Variants in ZPBP observed in about 807,000 individuals in gnomAD.
ZPBP encodes the protein zona pellucida-binding protein 1.
A neutral mutation model predicts 44.8 loss-of-function variants in ZPBP; 26 were observed. The observed-to-expected ratio is 0.58, with a 90% CI of 0.43 to 0.81. The LOEUF (loss-of-function observed/expected upper bound fraction) is 0.81, where lower values mean the gene tolerates loss of function less well. ZPBP is among the 30% of genes least tolerant of loss of function. The pLI, the probability that ZPBP is intolerant of heterozygous loss-of-function variation, is 0.00. For missense variants in ZPBP, 409 were observed against 434.0 expected, an observed-to-expected ratio of 0.94 and a Z score of 0.51; for synonymous variants, 174 against 153.2, an observed-to-expected ratio of 1.14 and a Z score of -1.00.
chr7:49,975,873 A>G (rs1189179045), intron 7 of ZPBP, among the ~76,000 whole-genome samples: 1 of 152,214 alleles, frequency 6.6e-6, no homozygotes, highest in East Asian at 1.9e-4. Flanking sequence ...CGTTTCAGTG[A>G]AATATTTTTT....
At chr7:50,068,438 T>G (rs1156684798) in intron 3 of ZPBP, among the ~76,000 whole-genome samples, 1 of 152,078 alleles carries the variant, frequency 6.6e-6, no homozygotes, top group Non-Finnish European at 1.5e-5. Context: ...GTGTTTTTTT[T>G]TTTTTTCATA....
intron 7 of ZPBP, among the ~76,000 whole-genome samples, chr7:49,940,542 A>C (rs1354284202): frequency 1.4e-4 from 21 of 151,966 alleles, no homozygotes; most frequent in Non-Finnish European, 1.5e-5. Context: ...AGGAAGCTCC[A>C]GGCCCTCATT....
intron 7 of ZPBP, among the ~76,000 whole-genome samples, chr7:49,978,720 A>G (rs1796639194): frequency 6.6e-6 from 1 of 152,034 alleles, no homozygotes; most frequent in Non-Finnish European, 1.5e-5. Flanking sequence ...AAATTCATTT[A>G]CTATGTTAAT....
chr7:49,982,239 AATTAT>A (rs1156301443), intron 7 of ZPBP, among the ~76,000 whole-genome samples: 6 of 106,476 alleles, frequency 5.6e-5, no homozygotes, highest in Admixed American at 1.4e-4. Flanking sequence ...TATATAATAT[AATTAT>A]ATTATATATT....
At chr7:49,957,831 A>G (rs949816148) in intron 7 of ZPBP, among the ~76,000 whole-genome samples, 1 of 152,158 alleles carries the variant, frequency 6.6e-6, no homozygotes, top group African/African-American at 2.4e-5. Context: ...CATGGGAGAT[A>G]AGCAATACCA....
rs768269657 is a variant in ZPBP at position 50,093,082 on chromosome 7, C to G, written c.113G>C (p.Arg38Pro). Residue 38 changes from arginine to proline, a missense_variant, in exon 1 of 8, where the codon CGG becomes CCG. This residue lies in a region of ZPBP where 367 missense variants were observed against 363.1 expected (regional missense o/e 1.01). Coordinates refer to ENST00000046087, the MANE Select transcript of ZPBP (RefSeq NM_007009.3). Reference sequence around the variant, plus strand: ...CGGACCCTCACCTGATGAGGGCACCCGCACCAGGAAGGCGGAGATAAAGAG... The same window carrying G: ...CGGACCCTCACCTGATGAGGGCACCGGCACCAGGAAGGCGGAGATAAAGAG... ...ILLFISAFLV[R>P]VPSSVGHLVR... 6.2e-7 allele frequency: 1 copy of G among 1,600,584 alleles called. No homozygotes were observed. The highest frequency in any genetic ancestry group is 8.5e-7 in the Non-Finnish European group (1 of 1,174,018).
At position 49,876,441 on chromosome 7, in the gene ZPBP, G is replaced by A. The variant is rs183447821; in HGVS notation, n.509+24677C>T. ...GGGAAAACAGCACCTGTCTCCTAGA[G>A]TTTTGAAAATAATTAACTGTATGTA... On this transcript the variant is annotated intron_variant and non_coding_transcript_variant, in intron 2 of 2. Coordinates refer to the ZPBP transcript ENST00000465922. 2.6e-3 allele frequency among the ~76,000 whole-genome samples: 392 copies of A among 152,200 alleles called. 3 individuals are homozygous for A. The highest frequency in any genetic ancestry group is 9.1e-3 in the African/African-American group (378 of 41,552).
At chr7:49,921,086 C>T (rs576410973) in intron 1 of ZPBP, 9 of 152,204 alleles carry the variant, frequency 5.9e-5, no homozygotes, top group Non-Finnish European at 8.8e-5. Context: ...AATCATCAGT[C>T]ACCACCTTTC....
rs554937618 is a variant in ZPBP, at chr7:49,918,280, A to G, written n.412-17065T>C. 5 of 152,324 alleles carry G rather than the reference A, an allele frequency of 3.3e-5. No individual in the cohort carries two copies. In the South Asian group the frequency reaches 8.3e-4, roughly 25 times the overall value. The allele number at this position is 152,324 out of a possible 1,614,324, so 9.4% of individuals were successfully genotyped here. A position where few individuals can be genotyped will look rare whatever the true frequency, so the allele number is the denominator to read the frequency against. The stretch of plus-strand genomic sequence containing the variant: ...TAAGAATCCAAATCTGCTTTATATC[A>G]GAGCCCGTGATTTGAAGTCTTATCA... On this transcript the variant is annotated intron_variant and non_coding_transcript_variant, in intron 1 of 2. Coordinates refer to the ZPBP transcript ENST00000465922.
chr7:50,035,430 A>G (rs1799786832), intron 4 of ZPBP, among the ~76,000 whole-genome samples: 2 of 152,214 alleles, frequency 1.3e-5, no homozygotes, highest in African/African-American at 4.8e-5. Flanking sequence ...ATATCAACAC[A>G]GTAGAAATAG....
chr7:49,934,963 T>C (rs1297854903), downstream of ZPBP, among the ~76,000 whole-genome samples: 1 of 152,160 alleles, frequency 6.6e-6, no homozygotes. Context: ...AAGCATTATA[T>C]AAAAGGTATT....
intron 4 of ZPBP, among the ~76,000 whole-genome samples, chr7:50,033,246 T>C (rs1799682161): frequency 6.6e-6 from 1 of 152,190 alleles, no homozygotes; most frequent in African/African-American, 2.4e-5. Context: ...TATAGTTATT[T>C]GCATAACATT....
At chr7:49,975,515 T>C (rs974006785) in intron 7 of ZPBP, among the ~76,000 whole-genome samples, 6 of 152,206 alleles carry the variant, frequency 3.9e-5, no homozygotes, top group Non-Finnish European at 7.3e-5. Flanking sequence ...CACACAATTT[T>C]CCACTGGACC....
At chr7:49,918,311 G>A (rs894064152) in intron 1 of ZPBP, 1 of 152,138 alleles carries the variant, frequency 6.6e-6, no homozygotes, top group Admixed American at 6.5e-5. Flanking sequence ...TATCATTTGT[G>A]TTTAGGTCAG....
intron 1 of ZPBP, among the ~76,000 whole-genome samples, chr7:49,901,587 A>G (rs1792729774): frequency 6.6e-6 from 1 of 151,900 alleles, no homozygotes; most frequent in Non-Finnish European, 1.5e-5. Context: ...TTTCAAGTTC[A>G]TGGATAGAAA....
intron 4 of ZPBP, among the ~76,000 whole-genome samples, chr7:50,053,047 G>A (rs891612917): frequency 6.6e-6 from 1 of 152,016 alleles, no homozygotes; most frequent in East Asian, 1.9e-4. Context: ...CTACCCATGG[G>A]ATAAAAATGG....
At chr7:50,056,655 G>A (rs35045203) in intron 4 of ZPBP, among the ~76,000 whole-genome samples, 41,692 of 152,190 alleles carry the variant, frequency 0.27, 6,577 homozygotes, top group Non-Finnish European at 0.37. Flanking sequence ...TGTTCTCCTG[G>A]CTACTCCATA....
intron 2 of ZPBP, among the ~76,000 whole-genome samples, chr7:49,851,228 T>C (rs1437927494): frequency 6.6e-6 from 1 of 152,212 alleles, no homozygotes; most frequent in East Asian, 1.9e-4. Context: ...TTTCTTATAA[T>C]GACACTTGTC....
intron 2 of ZPBP, among the ~76,000 whole-genome samples, chr7:49,864,092 TTGC>T (rs1429024530): frequency 1.3e-5 from 2 of 152,132 alleles, no homozygotes; most frequent in South Asian, 2.1e-4. Context: ...GTTGTTGTTG[TTGC>T]GGGCTGTGAT....
Sources: allele counts gnomAD v4.1 joint callset (sites outside exome capture counted in the v4.1 genomes callset), GRCh38; gene constraint gnomAD v4.1.1; regional missense constraint gnomAD v4.1.1; transcripts MANE v1.5; gene names NCBI Gene and HGNC (gene_info 2026-07-23, HGNC 2026-07-21).